DNAAF9: variants seen among roughly 807,000 people sequenced by gnomAD.
DNAAF9 encodes the protein shulin.
A neutral mutation model predicts 167.0 loss-of-function variants in DNAAF9; 90 were observed. That is an observed-to-expected ratio of 0.54 (90% confidence interval 0.45 to 0.64). The LOEUF (loss-of-function observed/expected upper bound fraction) is 0.64. Among genes scored for constraint, DNAAF9 ranks in the 30% least tolerant of loss-of-function variants. The pLI is 0.00. For synonymous variants in DNAAF9, 491 were observed against 508.8 expected (o/e 0.96, Z 0.47); for missense variants, 1,315 against 1,442.2 (o/e 0.91, Z 1.43).
At chr20:3,311,104 T>C (rs2069406706) in intron 20 of DNAAF9, among the ~76,000 whole-genome samples, 1 of 152,186 alleles carries the variant, frequency 6.6e-6, no homozygotes, top group African/African-American at 2.4e-5. Flanking sequence ...AGAATGCTCA[T>C]AACAGTACAG....
intron 25 of DNAAF9, among the ~76,000 whole-genome samples, chr20:3,290,985 C>T (rs191966591): frequency 6.6e-6 from 1 of 152,196 alleles, no homozygotes; most frequent in Admixed American, 6.5e-5. Context: ...CACGGGGTTT[C>T]ACCATGTTGG....
At position 3,290,137 on chromosome 20, in the gene DNAAF9, T is replaced by A. The variant is rs1232616588; in HGVS notation, c.2319A>T (p.Glu773Asp). The A allele has an allele frequency of 1.7e-5, 28 of 1,607,766 alleles. No individual in the cohort carries two copies. The highest frequency in any genetic ancestry group is 2.4e-5 in the Non-Finnish European group (28 of 1,174,128). The change falls in exon 26 of 37, where the codon GAA becomes GAT. Residue 773 changes from glutamate (E) to aspartate (D), a missense_variant. Physicochemically the swap from Glu to Asp is conservative, Grantham distance 45 (BLOSUM62 2). This residue lies in a region of DNAAF9 where 981 missense variants were observed against 1,012.5 expected (regional missense o/e 0.97). Coordinates refer to ENST00000252032, the MANE Select transcript of DNAAF9 (RefSeq NM_001009984.3). ...LCAFLVTLHKECGRWMVYRQI... is the reference protein window; with the variant it reads ...LCAFLVTLHKDCGRWMVYRQI... ...GCATCAGCCATACTAACCTGCCACA[T>A]TCCTTATGCAGAGTGACCAGAAAAG...
At chr20:3,266,576 T>C (rs6051695) in intron 30 of DNAAF9, among the ~76,000 whole-genome samples, 36,604 of 150,518 alleles carry the variant, frequency 0.24, 4,853 homozygotes, top group African/African-American at 0.34. Flanking sequence ...CTCCCAGGTT[T>C]ACGCCATTCT....
At chr20:3,303,071 T>C (rs2069220774) in intron 21 of DNAAF9, among the ~76,000 whole-genome samples, 3 of 152,082 alleles carry the variant, frequency 2.0e-5, no homozygotes, top group Admixed American at 6.6e-5. Context: ...ACCCCGTCTC[T>C]ACTAAAAATA....
intron 1 of DNAAF9, among the ~76,000 whole-genome samples, chr20:3,402,500 T>A (rs1004483116): frequency 6.6e-6 from 1 of 152,242 alleles, no homozygotes; most frequent in South Asian, 2.1e-4. Context: ...ACTAAAATTA[T>A]ATATCCTTCA....
intron 23 of DNAAF9, chr20:3,296,059 T>C: frequency 1.2e-6 from 1 of 802,168 alleles, no homozygotes; most frequent in Non-Finnish European, 2.2e-6. Context: ...AACCCTCATC[T>C]GGAGTTACTG....
chr20:3,343,844 T>C (rs13039390), intron 8 of DNAAF9, 113 bp from the exon 9 acceptor site: 1 of 384,826 alleles, frequency 2.6e-6, no homozygotes, highest in Non-Finnish European at 4.6e-6. Flanking sequence ...GCACAGCGTG[T>C]GTGTGTGTGT....
chr20:3,341,132 C>T (rs970651113), intron 9 of DNAAF9, among the ~76,000 whole-genome samples: 2 of 152,004 alleles, frequency 1.3e-5, no homozygotes, highest in Non-Finnish European at 2.9e-5. Flanking sequence ...CTGTACCCAC[C>T]CCCTTCCTCC....
chr20:3,269,139 C>T (rs949903719), intron 30 of DNAAF9, among the ~76,000 whole-genome samples: 4 of 151,474 alleles, frequency 2.6e-5, no homozygotes, highest in Admixed American at 1.3e-4. Context: ...AATCTCCTGA[C>T]CTTGTGATCC....
At position 3,348,532 on chromosome 20, in the gene DNAAF9, G is replaced by T. The variant is rs532613579; in HGVS notation, c.782C>A (p.Ala261Glu). The change falls in exon 8 of 37, where the codon GCG becomes GAG. Residue 261 changes from alanine (A) to glutamate (E), a missense_variant. Transcript: ENST00000252032. ...GACCCTTCCCTTACATACCTCACCC[G>T]CCTGAGATTCTGAAAGTTCTAGCAG... The part of the protein sequence containing the change: ...PFLLELSESQ[A>E]GEPFRSYFSH... 6.3e-7 allele frequency: 1 copy of T among 1,581,766 alleles called. No individual in the cohort carries two copies. Among genetic ancestry groups the T allele is most frequent in the South Asian group, 1.1e-5 (1 of 87,174 alleles).
At chr20:3,375,158 C>T in intron 4 of DNAAF9, 32 bp from the exon 5 acceptor site, 1 of 1,234,454 alleles carries the variant, frequency 8.1e-7, no homozygotes, top group Non-Finnish European at 1.2e-6. Context: ...AAAATAAGCT[C>T]TGATGAGATA....
At position 3,264,565 on chromosome 20, in the gene DNAAF9, G is replaced by GTCAATCTCTTTTTTTTTTT. The variant is rs1568565230; in HGVS notation, c.2787-60_2787-42dup. 3.1e-6 allele frequency: 3 copies of GTCAATCTCTTTTTTTTTTT among 963,478 alleles called. No individual in the cohort carries two copies. In the Admixed American group the frequency reaches 5.6e-5, roughly 18 times the overall value. 59.7% of individuals were successfully genotyped at this position (963,478 alleles called of 1,614,324 possible). On this transcript the variant is annotated intron_variant, in intron 30 of 36. Coordinates refer to ENST00000252032, the MANE Select transcript of DNAAF9 (RefSeq NM_001009984.3). ...GAAAAGACCTAGATTAATTAGGACT[G>GTCAATCTCTTTTTTTTTTT]TCAATCTCTTTTTTTTTTTTCTTGA...
intron 27 of DNAAF9, among the ~76,000 whole-genome samples, chr20:3,285,353 C>A (rs528184520): frequency 6.6e-6 from 1 of 151,440 alleles, no homozygotes; most frequent in Non-Finnish European, 1.5e-5. Flanking sequence ...TCGAGACCAG[C>A]CTGGGCAACA....
intron 1 of DNAAF9, among the ~76,000 whole-genome samples, chr20:3,383,097 G>A (rs907798409): frequency 9.9e-5 from 15 of 151,910 alleles, no homozygotes; most frequent in African/African-American, 3.1e-4. Flanking sequence ...AAAATGTGAG[G>A]CACTCTCAGA....
At chr20:3,386,892 A>G (rs1044591891) in intron 1 of DNAAF9, among the ~76,000 whole-genome samples, 7 of 152,222 alleles carry the variant, frequency 4.6e-5, no homozygotes, top group Non-Finnish European at 8.8e-5. Context: ...ATGGAAATGC[A>G]AATTAAAACC....
chr20:3,379,556 C>A (rs974328962), intron 3 of DNAAF9, among the ~76,000 whole-genome samples: 3 of 151,988 alleles, frequency 2.0e-5, no homozygotes, highest in Non-Finnish European at 4.4e-5. Context: ...CCACTGCACT[C>A]CAGCCTGGGT....
chr20:3,295,488 T>G, intron 23 of DNAAF9: 1 of 301,444 alleles, frequency 3.3e-6, no homozygotes, highest in Admixed American at 4.5e-5. Flanking sequence ...CTTTTTTTTT[T>G]TTTTTAAAGA....
Position 3,376,194 on chromosome 20 carries a change from C to T in DNAAF9, c.392G>A (p.Cys131Tyr). The T allele has an allele frequency of 6.2e-7, 1 of 1,613,516 alleles. No individual in the cohort carries two copies. The highest frequency in any genetic ancestry group is 8.5e-7 in the Non-Finnish European group (1 of 1,179,806). The change falls in exon 4 of 37, where the codon TGC becomes TAC. Residue 131 changes from cysteine to tyrosine, a missense_variant. Transcript: ENST00000252032. Reference protein sequence around the residue: ...VAHWRNLHFHCMTENEYEDEE... With the variant: ...VAHWRNLHFHYMTENEYEDEE... ...TCTTCTTACCTCATTTTCGGTCATG[C>T]AGTGGAAATGCAGATTTCTCCAATG...
At chr20:3,362,443 A>C in intron 6 of DNAAF9, 1 of 414,950 alleles carries the variant, frequency 2.4e-6, no homozygotes, top group Non-Finnish European at 4.2e-6. Flanking sequence ...CTTTCTTATT[A>C]TTATTCTTAG....
Sources: gnomAD v4.1 joint callset for allele counts (sites outside exome capture counted in the v4.1 genomes callset) on GRCh38, gnomAD v4.1.1 for gene constraint, gnomAD v4.1.1 regional missense constraint, MANE v1.5 for transcripts, NCBI Gene and HGNC (gene_info 2026-07-23, HGNC 2026-07-21) for gene names.